EPC2: variants seen among roughly 807,000 people sequenced by gnomAD.
EPC2 encodes enhancer of polycomb homolog 2.
A neutral mutation model predicts 92.1 loss-of-function variants in EPC2; 14 were observed. The ratio of observed to expected loss-of-function variants is 0.15; its 90% CI spans 0.10 to 0.24. The LOEUF is 0.24. Among genes scored for constraint, EPC2 ranks in the 10% least tolerant of loss-of-function variants. The pLI, the probability that EPC2 is intolerant of heterozygous loss-of-function variation, is 1.00. For missense variants in EPC2, 755 were observed against 971.5 expected, an observed-to-expected ratio of 0.78 and a Z score of 2.96; for synonymous variants, 340 against 334.7, an observed-to-expected ratio of 1.02 and a Z score of -0.17.
chr2:148,649,795 T>C (rs539253937), intron 1 of EPC2, among the ~76,000 whole-genome samples: 2 of 152,374 alleles, frequency 1.3e-5, no homozygotes, highest in Non-Finnish European at 2.9e-5. Flanking sequence ...TTCTGAACTG[T>C]GATTAAGTTC....
At chr2:148,760,596 C>T (rs576478983) in intron 4 of EPC2, among the ~76,000 whole-genome samples, 18 of 152,200 alleles carry the variant, frequency 1.2e-4, no homozygotes, top group East Asian at 9.7e-4. Context: ...TAAAAAAATG[C>T]TTAAACATAT....
chr2:148,684,224 G>A (rs1681467367), intron 1 of EPC2, among the ~76,000 whole-genome samples: 1 of 151,940 alleles, frequency 6.6e-6, no homozygotes. Context: ...TTTTCTTGCT[G>A]ATTTGAGTTC....
chr2:148,763,634 A>G (rs1683347122), intron 6 of EPC2, among the ~76,000 whole-genome samples: 1 of 151,880 alleles, frequency 6.6e-6, no homozygotes. Context: ...AGTGTGGAGC[A>G]GGAAGACTCC....
At position 148,644,794 on chromosome 2, in the gene EPC2, G is replaced by T. The variant is rs1241180287; in HGVS notation, c.-224G>T. ...GGCCATGGCGCAGGGAGCGGATCGG[G>T]CGGGCGAGCGGCGGATCTAGTGTGT... On this transcript the variant is annotated 5_prime_UTR_variant, in exon 1 of 14. Transcript: ENST00000258484. 6.6e-6 allele frequency among the ~76,000 whole-genome samples: 1 copy of T among 151,130 alleles called. No individual in the cohort carries two copies. The highest frequency in any genetic ancestry group is 2.0e-4 in the East Asian group (1 of 5,028).
intron 2 of EPC2, among the ~76,000 whole-genome samples, chr2:148,696,040 G>A (rs971554155): frequency 6.6e-5 from 10 of 152,214 alleles, no homozygotes; most frequent in Non-Finnish European, 1.2e-4. Flanking sequence ...AGCTGCAACC[G>A]TGTCCTATTC....
Position 148,762,752 on chromosome 2 carries a change from G to T in EPC2, c.898G>T (p.Ala300Ser). The change falls in exon 6 of 14, where the codon GCA becomes TCA. Residue 300 changes from alanine (A) to serine (S), a missense_variant. This residue lies in a region of EPC2 where 509 missense variants were observed against 607.7 expected (regional missense o/e 0.84). Coordinates refer to ENST00000258484, the MANE Select transcript of EPC2 (RefSeq NM_015630.4). ...RSEKELYATP[A>S]TLHNGNHHKV... ...AGAAAAAGAGTTATATGCCACTCCA[G>T]CAACTCTTCATAATGGAAATCATCA... 6.2e-7 allele frequency: 1 copy of T among 1,610,454 alleles called. No individual in the cohort carries two copies. Among genetic ancestry groups the T allele is most frequent in the South Asian group, 1.1e-5 (1 of 90,230 alleles).
intron 3 of EPC2, among the ~76,000 whole-genome samples, chr2:148,748,799 A>G (rs975610187): frequency 3.9e-5 from 6 of 152,082 alleles, no homozygotes; most frequent in African/African-American, 1.2e-4. Flanking sequence ...CACTTGTAGC[A>G]TCATGTTGGG....
intron 2 of EPC2, among the ~76,000 whole-genome samples, chr2:148,728,068 C>A (rs1402798465): frequency 6.6e-6 from 1 of 152,176 alleles, no homozygotes; most frequent in Non-Finnish European, 1.5e-5. Flanking sequence ...TGGCTCACTG[C>A]AGCCTCAACT....
intron 2 of EPC2, chr2:148,691,605 CA>C (rs1366314076): frequency 6.5e-7 from 1 of 1,550,322 alleles, no homozygotes; most frequent in East Asian, 2.4e-5. Context: ...AGAGAATTTT[CA>C]TTTGTTTCTG....
At chr2:148,754,896 C>T (rs1021932413) in intron 4 of EPC2, among the ~76,000 whole-genome samples, 3 of 152,172 alleles carry the variant, frequency 2.0e-5, no homozygotes, top group Non-Finnish European at 2.9e-5. Flanking sequence ...TCTTCCATTT[C>T]TCATAATTAA....
intron 10 of EPC2, among the ~76,000 whole-genome samples, chr2:148,776,159 T>TGACAATTTCTGTCTG (rs1574637586): frequency 6.6e-6 from 1 of 152,194 alleles, no homozygotes; most frequent in East Asian, 1.9e-4. Context: ...TCAGTTTCTC[T>TGACAATTTCTGTCTG]TCCCATTCAT....
At chr2:148,665,215 A>G (rs912551758) in intron 1 of EPC2, among the ~76,000 whole-genome samples, 3 of 152,180 alleles carry the variant, frequency 2.0e-5, no homozygotes, top group African/African-American at 7.2e-5. Context: ...GGTATCTTGG[A>G]ATTATCTGTA....
chr2:148,774,572 G>C (rs980275770), intron 10 of EPC2, among the ~76,000 whole-genome samples: 3 of 147,358 alleles, frequency 2.0e-5, no homozygotes, highest in African/African-American at 7.4e-5. Context: ...CCAAGATCCT[G>C]CCACTGTACT....
In EPC2 at chr2:148,783,668, G is replaced by T; in HGVS notation, c.1929G>T (p.Val643=). ...SASAHFAASA[V]VSAPVPSRSE... is the part of the protein sequence containing the mutation. The stretch of plus-strand genomic sequence containing the variant: ...GCGCCCACTTTGCTGCATCTGCAGT[G>T]GTCAGTGCACCTGTTCCAAGTCGCA... The change falls in exon 12 of 14, where the codon GTG becomes GTT. Residue 643 remains valine, a synonymous_variant. Coordinates refer to ENST00000258484, the MANE Select transcript of EPC2 (RefSeq NM_015630.4). The T allele has an allele frequency of 6.2e-7, 1 of 1,601,572 alleles. No homozygotes were observed. The highest frequency in any genetic ancestry group is 1.7e-5 in the Admixed American group (1 of 58,204).
chr2:148,650,777 C>T (rs1180867605), intron 1 of EPC2, among the ~76,000 whole-genome samples: 1 of 152,088 alleles, frequency 6.6e-6, no homozygotes, highest in African/African-American at 2.4e-5. Flanking sequence ...TAAGTTGATA[C>T]TGTAAAAACA....
chr2:148,754,097 C>G lies in EPC2; in HGVS notation c.630C>G (p.Ala210=). 1 of 1,608,622 alleles carries G rather than the reference C, an allele frequency of 6.2e-7. No homozygotes were observed. Among genetic ancestry groups the G allele is most frequent in the South Asian group, 1.1e-5 (1 of 89,788 alleles). The change falls in exon 4 of 14, where the codon GCC becomes GCG. Residue 210 remains alanine, a synonymous_variant. Transcript: ENST00000258484. The part of the protein sequence containing the change: ...DGSTNNDPYV[A]FRRRTEKMQT... ...CTACCAACAATGACCCTTATGTTGC[C>G]TTTCGGAGAAGAACAGAGAAAATGC...
chr2:148,653,498 A>C (rs1177695836), intron 1 of EPC2, among the ~76,000 whole-genome samples: 2 of 152,244 alleles, frequency 1.3e-5, no homozygotes, highest in Admixed American at 1.3e-4. Context: ...TCTATCATGC[A>C]GAACCGCTTC....
At position 148,761,910 on chromosome 2, in the gene EPC2, C is replaced by G. The variant is rs1379429522; in HGVS notation, c.795C>G (p.Thr265=). ...EKTKRELLHL[T]LEVVEKRYHL... Reference sequence around the variant, plus strand: ...CAAAACGAGAATTATTGCACTTAACCTTAGAAGTTGTGGAGAAAAGGTAAC... The same window carrying G: ...CAAAACGAGAATTATTGCACTTAACGTTAGAAGTTGTGGAGAAAAGGTAAC... The change falls in exon 5 of 14, where the codon ACC becomes ACG. Residue 265 remains threonine (T), a synonymous_variant. Transcript: ENST00000258484. 4.4e-6 allele frequency: 7 copies of G among 1,589,210 alleles called. No homozygotes were observed. Among genetic ancestry groups the G allele is most frequent in the Non-Finnish European group, 6.0e-6 (7 of 1,172,236 alleles).
intron 7 of EPC2, among the ~76,000 whole-genome samples, chr2:148,768,662 G>T (rs1683460586): frequency 6.6e-6 from 1 of 152,026 alleles, no homozygotes; most frequent in Admixed American, 6.6e-5. Flanking sequence ...AATAAAACCT[G>T]GCCTTTATGG....
Sources: allele counts gnomAD v4.1 joint callset (sites outside exome capture counted in the v4.1 genomes callset), GRCh38; gene constraint gnomAD v4.1.1; regional missense constraint gnomAD v4.1.1; transcripts MANE v1.5; gene names NCBI Gene and HGNC (gene_info 2026-07-23, HGNC 2026-07-21).